Variants in WDR36 observed in about 807,000 individuals in gnomAD.
The protein encoded by WDR36 is WD repeat-containing protein 36.
A neutral mutation model predicts 112.7 loss-of-function variants in WDR36; 63 were observed. That is an observed-to-expected ratio of 0.56 (90% CI 0.46 to 0.69). The LOEUF (loss-of-function observed/expected upper bound fraction) is 0.69, where lower values mean the gene tolerates loss of function less well. Ranked by LOEUF, WDR36 falls within the 30% of genes least tolerant of loss-of-function variation. The probability of loss-of-function intolerance (pLI) is 0.00; values close to 1 mark genes in which losing one functional copy is unlikely to be tolerated. For missense variants in WDR36, 1,226 were observed against 1,070.3 expected, an observed-to-expected ratio of 1.15 and a Z score of -2.03; for synonymous variants, 410 against 362.2, an observed-to-expected ratio of 1.13 and a Z score of -1.50.
intron 3 of WDR36, 62 bp downstream of exon 3, chr5:111,097,241 A>G: frequency 8.1e-7 from 1 of 1,241,994 alleles, no homozygotes; most frequent in Non-Finnish European, 1.2e-6. Flanking sequence ...AGTGGAGGGA[A>G]CTTTAATTTT....
chr5:111,126,660 G>A, intron 22 of WDR36, 74 bp from the exon 23 acceptor site: 4 of 1,514,202 alleles, frequency 2.6e-6, no homozygotes, highest in Non-Finnish European at 3.7e-6. Context: ...TGGTTCCTTG[G>A]TAGAAAAATT....
intron 2 of WDR36, among the ~76,000 whole-genome samples, chr5:111,096,141 C>T (rs143693504): frequency 2.0e-4 from 31 of 152,286 alleles, no homozygotes; most frequent in Admixed American, 9.8e-4. Context: ...TACTAACCCT[C>T]CTGCCCCAAA....
intron 9 of WDR36, among the ~76,000 whole-genome samples, 164 bp from the exon 10 acceptor site, chr5:111,105,131 A>G (rs1481611250): frequency 2.6e-5 from 4 of 151,634 alleles, no homozygotes; most frequent in Admixed American, 2.0e-4. Context: ...GGCATTCTAT[A>G]AAAAGTTGAA....
rs1480656847 is a variant in WDR36, at chr5:111,126,763, A to G, written c.2568A>G (p.Pro856=). Residue 856 remains proline (P), a synonymous_variant, in exon 23 of 23, where the codon CCA becomes CCG. Coordinates refer to ENST00000513710, the MANE Select transcript of WDR36 (RefSeq NM_139281.3). ...KLHLKMLPSE[P]VLLEEITNLS... ...ACCTTAAAATGCTTCCTTCAGAGCCAGTACTCCTAGAAGAAATAACAAATT... is the reference window on the plus strand; with the variant it reads ...ACCTTAAAATGCTTCCTTCAGAGCCGGTACTCCTAGAAGAAATAACAAATT... 6.8e-6 allele frequency: 11 copies of G among 1,613,834 alleles called. No homozygotes were observed. The East Asian group carries it at 2.0e-4, about 29-fold the overall frequency.
intron 12 of WDR36, 139 bp from the exon 13 acceptor site, chr5:111,110,049 TA>T (rs755314456): frequency 4.5e-6 from 3 of 666,164 alleles, no homozygotes; most frequent in Non-Finnish European, 8.0e-6. Context: ...TACTTTATGT[TA>T]AAAAAACTAA....
chr5:111,093,113 G>C (rs1752902515), intron 1 of WDR36, among the ~76,000 whole-genome samples: 1 of 152,232 alleles, frequency 6.6e-6, no homozygotes, highest in African/African-American at 2.4e-5. Context: ...CTAACGCAAA[G>C]TGTCTGGCAC....
chr5:111,092,566 A>G lies in WDR36; in HGVS notation c.110A>G (p.Lys37Arg), dbSNP rs754439407. Reference protein sequence around the residue: ...IPHVVRFSALKRRFYVTTCVG... With the variant: ...IPHVVRFSALRRRFYVTTCVG... The stretch of plus-strand genomic sequence containing the variant: ...CACGTGGTGCGGTTCAGCGCGCTCA[A>G]GCGCCGGTTCTATGTAACAACCTGC... Residue 37 changes from lysine (K) to arginine (R), a missense_variant, in exon 1 of 23, where the codon AAG (lysine) becomes AGG (arginine). Coordinates refer to ENST00000513710, the MANE Select transcript of WDR36 (RefSeq NM_139281.3). 4 of 1,614,200 alleles carry G rather than the reference A, an allele frequency of 2.5e-6. No homozygotes were observed. Among genetic ancestry groups the G allele is most frequent in the South Asian group, 2.2e-5 (2 of 91,086 alleles).
chr5:111,104,428 A>G, intron 8 of WDR36, 76 bp downstream of exon 8: 3 of 1,579,604 alleles, frequency 1.9e-6, no homozygotes, highest in Non-Finnish European at 2.6e-6. Context: ...GTTTTAATGT[A>G]TCAGCTTTCA....
chr5:111,109,151 T>C (rs1753275173), intron 12 of WDR36, among the ~76,000 whole-genome samples: 1 of 151,278 alleles, frequency 6.6e-6, no homozygotes, highest in Admixed American at 6.6e-5. Context: ...AGCAGGACAA[T>C]GTAGGGCCTG....
At chr5:111,107,525 T>C in intron 12 of WDR36, 86 bp downstream of exon 12, 6 of 1,546,032 alleles carry the variant, frequency 3.9e-6, no homozygotes, top group Non-Finnish European at 5.3e-6. Context: ...CATCATAATA[T>C]TGACTGAAAA....
intron 10 of WDR36, 67 bp from the exon 11 acceptor site, chr5:111,105,990 C>A: frequency 7.9e-7 from 1 of 1,268,906 alleles, no homozygotes; most frequent in Non-Finnish European, 1.2e-6. Context: ...GATAGCTTTT[C>A]TTTTATATAC....
In WDR36 at chr5:111,129,239, G is replaced by A. The variant is rs1753736927; in HGVS notation, c.*2356G>A. ...ACATGAGCCCTTTTTGTACATATAA[G>A]GCTCTCTCTGTGGTATATGCTTAGG... is the stretch of plus-strand genomic sequence containing the variant. On this transcript the variant is annotated 3_prime_UTR_variant, in exon 23 of 23. Coordinates refer to ENST00000513710, the MANE Select transcript of WDR36 (RefSeq NM_139281.3). The A allele has an allele frequency of 5.1e-6, 1 of 196,070 alleles. No individual in the cohort carries two copies. The highest frequency in any genetic ancestry group is 1.1e-5 in the Non-Finnish European group (1 of 94,508). The allele number at this position is 196,070 out of a possible 1,614,324, so 12.1% of individuals were successfully genotyped here.
At chr5:111,099,937 G>A (rs1212235419) in intron 4 of WDR36, among the ~76,000 whole-genome samples, 1 of 152,008 alleles carries the variant, frequency 6.6e-6, no homozygotes, top group Non-Finnish European at 1.5e-5. Context: ...TGGAGGAACT[G>A]TAAAGTGAAA....
At chr5:111,105,246 C>T (rs543386160) in intron 9 of WDR36, 49 bp from the exon 10 acceptor site, 1 of 1,543,026 alleles carries the variant, frequency 6.5e-7, no homozygotes, top group South Asian at 1.1e-5. Context: ...TTCACATAGT[C>T]CCTTGTTTTA....
Position 111,129,223 on chromosome 5 carries a change from C to G in WDR36, c.*2340C>G, listed in dbSNP as rs886059781. On this transcript the variant is annotated 3_prime_UTR_variant, in exon 23 of 23. Transcript: ENST00000513710. The stretch of plus-strand genomic sequence containing the variant: ...AAAGGAACATCATCCTACATGAGCC[C>G]TTTTTGTACATATAAGGCTCTCTCT... 4 of 196,348 alleles carry G rather than the reference C, an allele frequency of 2.0e-5. No individual in the cohort carries two copies. Among genetic ancestry groups the G allele is most frequent in the African/African-American group, 6.9e-5 (3 of 43,244 alleles). The allele number at this position is 196,348 out of a possible 1,614,324, so 12.2% of individuals were successfully genotyped here.
chr5:111,093,975 G>C (rs1561699663), intron 1 of WDR36, among the ~76,000 whole-genome samples: 1 of 152,016 alleles, frequency 6.6e-6, no homozygotes, highest in Non-Finnish European at 1.5e-5. Context: ...ACACTGCTCA[G>C]ATTAACCAAT....
At chr5:111,101,530 G>A (rs1010485255) in intron 5 of WDR36, among the ~76,000 whole-genome samples, 1 of 151,782 alleles carries the variant, frequency 6.6e-6, no homozygotes, top group Non-Finnish European at 1.5e-5. Context: ...TAATATTGAT[G>A]TAGCTAGAGG....
At chr5:111,096,180 G>C (rs1752974651) in intron 2 of WDR36, among the ~76,000 whole-genome samples, 1 of 152,134 alleles carries the variant, frequency 6.6e-6, no homozygotes, top group Non-Finnish European at 1.5e-5. Flanking sequence ...AGTGTGACCA[G>C]GATACTGAGA....
At chr5:111,104,472 T>C (rs1031289185) in intron 8 of WDR36, 120 bp downstream of exon 8, 6 of 1,457,682 alleles carry the variant, frequency 4.1e-6, no homozygotes, top group East Asian at 4.6e-5. Context: ...GAATGAGATA[T>C]TGGTATAGAT....
Sources: gnomAD v4.1 joint callset for allele counts (sites outside exome capture counted in the v4.1 genomes callset) on GRCh38, gnomAD v4.1.1 for gene constraint, MANE v1.5 for transcripts, NCBI Gene and HGNC (gene_info 2026-07-23, HGNC 2026-07-21) for gene names.